Variants in TRABD2A observed in about 807,000 individuals in gnomAD.
TRABD2A encodes TraB domain containing 2A.
In TRABD2A, 43 loss-of-function variants were observed where a neutral mutation model predicts 45.6. The observed-to-expected ratio is 0.94, with a 90% CI of 0.74 to 1.22. The LOEUF is 1.22. Among genes scored for constraint, TRABD2A ranks in the 50% most tolerant of loss-of-function variants. TRABD2A has a pLI of 0.00. For missense variants in TRABD2A, 642 were observed against 652.4 expected (o/e 0.98, Z 0.17); for synonymous variants, 269 against 265.0 (o/e 1.02, Z -0.15).
intron 4 of TRABD2A, among the ~76,000 whole-genome samples, chr2:84,838,811 A>G (rs559125005): frequency 1.3e-5 from 2 of 152,360 alleles, no homozygotes; most frequent in South Asian, 4.1e-4. Context: ...AAAGACAAAC[A>G]TATTTGTAGT....
chr2:84,879,304 T>G (rs1683128681), intron 1 of TRABD2A, among the ~76,000 whole-genome samples: 1 of 151,936 alleles, frequency 6.6e-6, no homozygotes, highest in African/African-American at 2.4e-5. Flanking sequence ...CCTCAGTCTC[T>G]GGAGTAGCTG....
At chr2:84,824,386 CT>C (rs1458547971) in intron 5 of TRABD2A, among the ~76,000 whole-genome samples, 182 bp from the exon 6 acceptor site, 2 of 151,386 alleles carry the variant, frequency 1.3e-5, no homozygotes, top group South Asian at 2.1e-4. Flanking sequence ...TCTTTGACGC[CT>C]TTTTTTTCCC....
chr2:84,870,798 G>A lies in TRABD2A; in HGVS notation c.109-13C>T. The stretch of plus-strand genomic sequence containing the variant: ...TCAGCTCGCTTTGCTGAAAAGAAAA[G>A]AGGTAACATCAAGGTATAATATGGG... On this transcript the variant is annotated splice_polypyrimidine_tract_variant and intron_variant, in intron 1 of 6. Coordinates refer to ENST00000409520, the MANE Select transcript of TRABD2A (RefSeq NM_001277053.2). 1 of 1,555,516 alleles carries A rather than the reference G, an allele frequency of 6.4e-7. No individual in the cohort carries two copies. The highest frequency in any genetic ancestry group is 8.7e-7 in the Non-Finnish European group (1 of 1,149,268).
rs1681306156 is a variant in TRABD2A at position 84,830,809 on chromosome 2, G to A, written c.1082+1246C>T. ...AGCCTCTGGGGTGAGGGGGAACAGG[G>A]AGACAAGGTGCAGTGAAGGGGGGCC... On this transcript the variant is annotated intron_variant, in intron 5 of 6. Coordinates refer to ENST00000409520, the MANE Select transcript of TRABD2A (RefSeq NM_001277053.2). This position sits in a 1 kb window ranked among gnomAD's most constrained non-coding sequence, Gnocchi z 4.9. 6.6e-6 allele frequency among the ~76,000 whole-genome samples: 1 copy of A among 152,194 alleles called. No homozygotes were observed. The highest frequency in any genetic ancestry group is 6.5e-5 in the Admixed American group (1 of 15,282).
chr2:84,879,275 G>A (rs1683128068), intron 1 of TRABD2A, among the ~76,000 whole-genome samples: 1 of 151,464 alleles, frequency 6.6e-6, no homozygotes, highest in Admixed American at 6.6e-5. Flanking sequence ...TCCACTCCCA[G>A]GCTCAAGGTT....
At position 84,876,228 on chromosome 2, in the gene TRABD2A, G is replaced by A. The variant is rs116624713; in HGVS notation, c.108+4704C>T. Among the ~76,000 whole-genome samples the A allele has an allele frequency of 2.8e-3, 427 of 152,274 alleles. 4 individuals carry two copies. The highest frequency in any genetic ancestry group is 7.2e-3 in the Admixed American group (110 of 15,296). On this transcript the variant is annotated intron_variant, in intron 1 of 6. Coordinates refer to ENST00000409520, the MANE Select transcript of TRABD2A (RefSeq NM_001277053.2). ...AGAGGCCTGGGTCAGAGATGAAGAT[G>A]AGGGCATCATCACCATGTAGATGTT...
intron 2 of TRABD2A, among the ~76,000 whole-genome samples, chr2:84,853,016 T>C (rs1682150242): frequency 6.6e-6 from 1 of 152,008 alleles, no homozygotes. Flanking sequence ...ACCCAAAAGA[T>C]ATGTTCATCC....
Position 84,830,929 on chromosome 2 carries a change from A to G in TRABD2A, c.1082+1126T>C, listed in dbSNP as rs7579460. The stretch of plus-strand genomic sequence containing the variant: ...AGGGGATGGGCATTTGCATCCTGGA[A>G]CTCTCTCGCTACAGCTGAGACCTCT... On this transcript the variant is annotated intron_variant, in intron 5 of 6. Transcript: ENST00000409520. This position sits in a 1 kb window ranked among gnomAD's most constrained non-coding sequence, Gnocchi z 4.9. Among the ~76,000 whole-genome samples the G allele has an allele frequency of 0.083, 12,609 of 151,964 alleles. 1,015 individuals carry two copies. Among genetic ancestry groups the G allele is most frequent in the African/African-American group, 0.21 (8,624 of 41,388 alleles).
intron 1 of TRABD2A, among the ~76,000 whole-genome samples, chr2:84,874,223 G>T (rs1682956111): frequency 1.3e-5 from 2 of 152,092 alleles, no homozygotes; most frequent in Admixed American, 1.3e-4. Flanking sequence ...CTAGAAATAA[G>T]GTCACTGTAT....
intron 2 of TRABD2A, among the ~76,000 whole-genome samples, chr2:84,844,876 T>C (rs1306472980): frequency 1.3e-5 from 2 of 152,244 alleles, no homozygotes; most frequent in Non-Finnish European, 2.9e-5. Context: ...TTAAAGGCAT[T>C]GAGCACAAGC....
chr2:84,876,131 A>T (rs560217022), intron 1 of TRABD2A, among the ~76,000 whole-genome samples: 3 of 152,338 alleles, frequency 2.0e-5, no homozygotes, highest in African/African-American at 7.2e-5. Flanking sequence ...GGATCTGTCC[A>T]ATTGACATGT....
At chr2:84,841,681 G>A (rs1289179287) in intron 3 of TRABD2A, among the ~76,000 whole-genome samples, 180 bp downstream of exon 3, 1 of 152,192 alleles carries the variant, frequency 6.6e-6, no homozygotes, top group Non-Finnish European at 1.5e-5. Context: ...GTTCTTACAA[G>A]GTTTGTAAAG....
At chr2:84,822,903 C>T (rs1024872085) in intron 6 of TRABD2A, among the ~76,000 whole-genome samples, 3 of 152,216 alleles carry the variant, frequency 2.0e-5, no homozygotes, top group African/African-American at 7.2e-5. Flanking sequence ...TCCTTCACTT[C>T]CCAGGCTCCA....
chr2:84,863,239 C>CTTATTTTTTTTTTTTTTTTTTTTTT (rs1682555449), intron 2 of TRABD2A, among the ~76,000 whole-genome samples: 1 of 98,132 alleles, frequency 1.0e-5, no homozygotes, highest in Non-Finnish European at 1.9e-5. Flanking sequence ...TCATGTGAAT[C>CTTATTTTTTTTTTTTTTTTTTTTTT]TTTTTTTTTT....
intron 1 of TRABD2A, among the ~76,000 whole-genome samples, chr2:84,871,789 G>T (rs1183194478): frequency 6.6e-6 from 1 of 152,132 alleles, no homozygotes; most frequent in Non-Finnish European, 1.5e-5. Flanking sequence ...CGGCCACAGA[G>T]ATGCTACTTT....
chr2:84,875,888 G>A (rs1262251546), intron 1 of TRABD2A, among the ~76,000 whole-genome samples: 1 of 152,022 alleles, frequency 6.6e-6, no homozygotes, highest in Non-Finnish European at 1.5e-5. Flanking sequence ...AGCTACTTAG[G>A]AGGTTGAGGT....
chr2:84,866,887 C>G (rs1682700319), intron 2 of TRABD2A, among the ~76,000 whole-genome samples: 1 of 152,136 alleles, frequency 6.6e-6, no homozygotes, highest in Admixed American at 6.5e-5. Context: ...AAGTTCAAGA[C>G]TAGCCTGGCC....
chr2:84,862,250 A>T (rs886410574), intron 2 of TRABD2A, among the ~76,000 whole-genome samples: 1 of 152,162 alleles, frequency 6.6e-6, no homozygotes, highest in African/African-American at 2.4e-5. Context: ...AACTACCCCT[A>T]CCTGGCAGGG....
At chr2:84,851,625 G>A (rs1043467778) in intron 2 of TRABD2A, among the ~76,000 whole-genome samples, 1 of 152,218 alleles carries the variant, frequency 6.6e-6, no homozygotes, top group Non-Finnish European at 1.5e-5. Flanking sequence ...GTACTCATTT[G>A]CATATATCAG....
Sources: gnomAD v4.1 joint callset for allele counts (sites outside exome capture counted in the v4.1 genomes callset) on GRCh38, gnomAD v4.1.1 for gene constraint, Gnocchi (gnomAD v3.1) non-coding constraint, MANE v1.5 for transcripts, NCBI Gene and HGNC (gene_info 2026-07-23, HGNC 2026-07-21) for gene names.